The following MYCBP2 variants were observed in gnomAD, a reference collection of about 807,000 sequenced individuals.
The protein encoded by MYCBP2 is MYC binding protein 2.
Under a neutral mutation model 525.3 loss-of-function variants are expected in MYCBP2, and 120 were observed. The ratio of observed to expected loss-of-function variants is 0.23; its 90% confidence interval spans 0.20 to 0.27. The LOEUF (loss-of-function observed/expected upper bound fraction) is 0.27. MYCBP2 is among the 10% of genes least tolerant of loss of function. MYCBP2 has a pLI of 1.00. For missense variants in MYCBP2, 4,149 were observed against 5,657.1 expected (o/e 0.73, Z 8.55); for synonymous variants, 1,894 against 1,955.8 (o/e 0.97, Z 0.83).
chr13:77,059,060 AT>A lies in MYCBP2; in HGVS notation c.13140+462del, dbSNP rs530844904. ...CACTCTCCGCATCACCAAAATGCAG[AT>A]TTTTTTTTTTTTTAAAAAGGTACCT... On this transcript the variant is annotated intron_variant, in intron 77 of 82. Transcript: ENST00000544440. 3.4e-3 allele frequency among the ~76,000 whole-genome samples: 499 copies of A among 146,486 alleles called. 1 individual carries two copies. The highest frequency in any genetic ancestry group is 6.7e-3 in the African/African-American group (270 of 40,348).
At chr13:77,194,089 T>C (rs1380943330) in intron 27 of MYCBP2, 64 bp downstream of exon 27, 5 of 1,033,102 alleles carry the variant, frequency 4.8e-6, no homozygotes. Context: ...TGTTTATTCA[T>C]TTATAATAAA....
chr13:77,070,561 GACAA>G lies in MYCBP2; in HGVS notation c.11904+66_11904+69del, dbSNP rs1467599498. On this transcript the variant is annotated intron_variant, in intron 69 of 82. Transcript: ENST00000544440. The stretch of plus-strand genomic sequence containing the variant: ...TTTATACCCTAATAACAAACAAACA[GACAA>G]ACAAACAAACACACACACACACACA... The G allele has an allele frequency of 9.8e-5, 111 of 1,129,760 alleles. 1 individual carries two copies. Among genetic ancestry groups the G allele is most frequent in the Non-Finnish European group, 1.2e-4 (95 of 773,342 alleles). The allele number at this position is 1,129,760 out of a possible 1,614,324, so 70.0% of individuals were successfully genotyped here.
At chr13:77,263,867 C>T (rs971028894) in intron 9 of MYCBP2, 62 bp downstream of exon 9, 6 of 1,606,612 alleles carry the variant, frequency 3.7e-6, no homozygotes, top group Non-Finnish European at 5.1e-6. Context: ...CTAATAAAAG[C>T]TAAATAATTT....
chr13:77,270,087 A>T (rs376439838), intron 6 of MYCBP2, 24 bp from the exon 7 acceptor site: 1 of 1,571,106 alleles, frequency 6.4e-7, no homozygotes, highest in Non-Finnish European at 8.6e-7. Flanking sequence ...AAAAGTTAGT[A>T]TATCAGTGGT....
At chr13:77,192,587 G>C (rs1280654922) in intron 27 of MYCBP2, among the ~76,000 whole-genome samples, 1 of 152,158 alleles carries the variant, frequency 6.6e-6, no homozygotes, top group Non-Finnish European at 1.5e-5. Context: ...AAAATCTGTA[G>C]AGGTATGGAA....
chr13:77,252,572 T>G (rs990233308), intron 14 of MYCBP2, among the ~76,000 whole-genome samples: 2 of 152,202 alleles, frequency 1.3e-5, no homozygotes, highest in African/African-American at 4.8e-5. Context: ...ATCTAAGTTA[T>G]GAGGTTAAGT....
chr13:77,268,607 C>T (rs949367525), intron 7 of MYCBP2, among the ~76,000 whole-genome samples: 12 of 151,912 alleles, frequency 7.9e-5, no homozygotes, highest in African/African-American at 2.7e-4. Context: ...TGGTTAAACC[C>T]GTCTCTACTA....
intron 59 of MYCBP2, among the ~76,000 whole-genome samples, chr13:77,091,871 G>A (rs73239456): frequency 0.024 from 3,681 of 152,110 alleles, 67 homozygotes; most frequent in Middle Eastern, 0.075. Flanking sequence ...AGGGGTAATA[G>A]TAACCCAATG....
rs535011958 is a variant in MYCBP2 at position 77,200,262 on chromosome 13, C to T, written c.3843+4994G>A. Among the ~76,000 whole-genome samples, 741 of 151,904 alleles carry T rather than the reference C, an allele frequency of 4.9e-3. 3 individuals carry two copies. Among genetic ancestry groups the T allele is most frequent in the African/African-American group, 0.015 (631 of 41,388 alleles). ...TGAAGAATGCAGAAGCCTCAGGAGC[C>T]GATGAGATCAACTGGAAGAAAGGGT... On this transcript the variant is annotated intron_variant, in intron 26 of 82. Transcript: ENST00000544440.
intron 42 of MYCBP2, 92 bp from the exon 43 acceptor site, chr13:77,164,633 T>C: frequency 1.2e-6 from 1 of 806,488 alleles, no homozygotes; most frequent in Non-Finnish European, 2.1e-6. Context: ...AGCATTACTT[T>C]TGAAATGAGA....
intron 57 of MYCBP2, 21 bp from the exon 58 acceptor site, chr13:77,095,623 A>T: frequency 6.2e-7 from 1 of 1,605,830 alleles, no homozygotes; most frequent in Non-Finnish European, 8.5e-7. Context: ...AAAAAATCAA[A>T]CTAATCTTTT....
chr13:77,051,958 A>G, intron 80 of MYCBP2, 40 bp from the exon 81 acceptor site: 1 of 1,514,504 alleles, frequency 6.6e-7, no homozygotes, highest in Non-Finnish European at 9.2e-7. Context: ...AGGAAAAAAG[A>G]AAACTCTGGC....
chr13:77,109,924 TCTTTA>T (rs1224002909), intron 55 of MYCBP2: 2 of 152,234 alleles, frequency 1.3e-5, no homozygotes, highest in Non-Finnish European at 2.9e-5. Flanking sequence ...CTTATGCCTG[TCTTTA>T]CTTTAATCTC....
intron 54 of MYCBP2, among the ~76,000 whole-genome samples, chr13:77,122,494 G>C (rs932271135): frequency 6.6e-6 from 1 of 151,944 alleles, no homozygotes; most frequent in Non-Finnish European, 1.5e-5. Flanking sequence ...GAGGTCAGGA[G>C]ATCGAGACCA....
chr13:77,255,613 T>C (rs1472785613), intron 14 of MYCBP2, among the ~76,000 whole-genome samples: 14 of 152,018 alleles, frequency 9.2e-5, no homozygotes, highest in Admixed American at 9.2e-4. Context: ...AATTTAGTAA[T>C]AAATCAAAGT....
intron 50 of MYCBP2, 63 bp from the exon 51 acceptor site, chr13:77,140,226 C>CA: frequency 9.5e-7 from 1 of 1,048,710 alleles, no homozygotes; most frequent in Non-Finnish European, 1.4e-6. Context: ...TTACAAGTAG[C>CA]AAGAAGTAAA....
rs1451462991 is a variant in MYCBP2 at position 77,056,110 on chromosome 13, G to GTGTGTA, written c.13438-344_13438-343insTACACA. Among the ~76,000 whole-genome samples, 766 of 126,852 alleles carry GTGTGTA rather than the reference G, an allele frequency of 6.0e-3. 6 individuals are homozygous for GTGTGTA. Among genetic ancestry groups the GTGTGTA allele is most frequent in the African/African-American group, 0.02 (734 of 36,178 alleles). 83.2% of individuals were successfully genotyped at this position (126,852 alleles called of 152,430 possible). ...CACGCTCTGTGTTTGGTGTGTGTGT[G>GTGTGTA]TGTGTGTGTGTGTGTGTGTGTGTGT... On this transcript the variant is annotated intron_variant, in intron 79 of 82. Coordinates refer to ENST00000544440, the MANE Select transcript of MYCBP2 (RefSeq NM_015057.5).
chr13:77,076,754 G>A lies in MYCBP2; in HGVS notation c.11820C>T (p.Tyr3940=). The stretch of plus-strand genomic sequence containing the variant: ...TCTTTAGAATACAAATAAATACATT[G>A]TATACTTTTTCTTCTCCTTCAGGTG... ...LSSPEGEEKV[Y]NATSDADLKE... Residue 3940 remains tyrosine, a synonymous_variant, in exon 68 of 83, where the codon TAC becomes TAT. Transcript: ENST00000544440. The A allele has an allele frequency of 1.3e-6, 2 of 1,559,850 alleles. No individual in the cohort carries two copies. The highest frequency in any genetic ancestry group is 2.2e-5 in the East Asian group (1 of 44,480).
At chr13:77,261,851 A>T (rs996536365) in intron 11 of MYCBP2, among the ~76,000 whole-genome samples, 1 of 152,094 alleles carries the variant, frequency 6.6e-6, no homozygotes, top group Admixed American at 6.6e-5. Context: ...GTGAAGTGTA[A>T]CAAAACTAAG....
Sources: allele counts gnomAD v4.1 joint callset (sites outside exome capture counted in the v4.1 genomes callset), GRCh38; gene constraint gnomAD v4.1.1; transcripts MANE v1.5; gene names NCBI Gene and HGNC (gene_info 2026-07-23, HGNC 2026-07-21).